FLT3: variants seen among roughly 807,000 people sequenced by gnomAD.
FLT3 encodes fms related receptor tyrosine kinase 3.
FLT3 carries 46 observed loss-of-function variants against 126.6 expected under a neutral mutation model. The observed-to-expected ratio is 0.36, with a 90% CI of 0.29 to 0.46. The LOEUF (loss-of-function observed/expected upper bound fraction) is 0.46. Among genes scored for constraint, FLT3 ranks in the 20% least tolerant of loss-of-function variants. The pLI is 1.00. For synonymous variants in FLT3, 404 were observed against 434.4 expected, an observed-to-expected ratio of 0.93 and a Z score of 0.87; for missense variants, 1,069 against 1,190.3, an observed-to-expected ratio of 0.90 and a Z score of 1.50.
At chr13:28,016,596 C>T (rs569842684) in intron 20 of FLT3, among the ~76,000 whole-genome samples, 11 of 152,208 alleles carry the variant, frequency 7.2e-5, no homozygotes, top group South Asian at 4.1e-4. Flanking sequence ...CATGGGTTGA[C>T]GAGTCCTTCA....
At position 28,091,317 on chromosome 13, in the gene FLT3, G is replaced by T. The variant is rs541209480; in HGVS notation, c.43+9151C>A. Among the ~76,000 whole-genome samples the T allele has an allele frequency of 3.6e-5, 5 of 137,418 alleles. No homozygotes were observed. In the Admixed American group the frequency reaches 3.9e-4, roughly 11 times the overall value. The allele number at this position is 137,418 out of a possible 152,430, so 90.2% of individuals were successfully genotyped here. A position where few individuals can be genotyped will look rare whatever the true frequency, so the allele number is the denominator to read the frequency against. ...GCTCACTGCAAGCTCCGCCTCCCGGGTTCACGCCATTCTCCTGCCTCAGCC... is the reference window on the plus strand; with the variant it reads ...GCTCACTGCAAGCTCCGCCTCCCGGTTTCACGCCATTCTCCTGCCTCAGCC... On this transcript the variant is annotated intron_variant, in intron 1 of 23. Transcript: ENST00000241453.
intron 9 of FLT3, among the ~76,000 whole-genome samples, chr13:28,040,034 A>C (rs1874204638): frequency 6.6e-6 from 1 of 152,154 alleles, no homozygotes; most frequent in African/African-American, 2.4e-5. Context: ...ATGGCAGCAA[A>C]AGTTTACTGG....
intron 23 of FLT3, among the ~76,000 whole-genome samples, chr13:28,008,699 G>A (rs1378802950): frequency 1.3e-5 from 2 of 151,752 alleles, no homozygotes; most frequent in African/African-American, 2.4e-5. Flanking sequence ...GGCTGGTCTC[G>A]AACTCCTGAC....
At chr13:28,077,091 A>AG (rs1397568589) in intron 1 of FLT3, among the ~76,000 whole-genome samples, 2 of 9,766 alleles carry the variant, frequency 2.0e-4, no homozygotes, top group African/African-American at 2.3e-4. Flanking sequence ...AAGAAAGAAA[A>AG]AGAGAAAAAG....
intron 23 of FLT3, among the ~76,000 whole-genome samples, chr13:28,012,675 C>G (rs1425042335): frequency 6.6e-6 from 1 of 152,124 alleles, no homozygotes; most frequent in Non-Finnish European, 1.5e-5. Flanking sequence ...TGGCTCATGC[C>G]TGTAATCCTA....
chr13:28,030,389 A>G (rs1405032883), intron 15 of FLT3, among the ~76,000 whole-genome samples: 1 of 152,102 alleles, frequency 6.6e-6, no homozygotes, highest in Non-Finnish European at 1.5e-5. Context: ...TTCATGTACC[A>G]TTACCTCTTT....
intron 9 of FLT3, among the ~76,000 whole-genome samples, chr13:28,043,190 CT>C (rs10713103): frequency 0.99 from 148,958 of 150,134 alleles, 73,905 homozygotes; most frequent in Middle Eastern, 1. Context: ...AGTCCTATTC[CT>C]TTTTTTTTTT....
In FLT3 at chr13:28,052,734, C is replaced by T. The variant is rs981984220; in HGVS notation, c.485-60G>A. 42 of 1,210,462 alleles carry T rather than the reference C, an allele frequency of 3.5e-5. No homozygotes were observed. In the African/African-American group the frequency reaches 5.5e-4, roughly 16 times the overall value. 75.0% of individuals were successfully genotyped at this position (1,210,462 alleles called of 1,614,324 possible). A position where few individuals can be genotyped will look rare whatever the true frequency, so the allele number is the denominator to read the frequency against. ...TTAAAAATAATTCTCTTAGCAGCCC[C>T]TCAGAAAAGGATTCTATGTCATTAT... is the stretch of plus-strand genomic sequence containing the variant. On this transcript the variant is annotated intron_variant, in intron 4 of 23. Transcript: ENST00000241453.
intron 9 of FLT3, among the ~76,000 whole-genome samples, chr13:28,040,675 T>C (rs1356222945): frequency 6.6e-6 from 1 of 152,224 alleles, no homozygotes; most frequent in Admixed American, 6.5e-5. Context: ...TTCATCTCTC[T>C]GACCTATCAA....
chr13:28,037,209 T>C lies in FLT3; in HGVS notation c.1285A>G (p.Lys429Glu). 6.2e-7 allele frequency: 1 copy of C among 1,600,676 alleles called. No homozygotes were observed. The highest frequency in any genetic ancestry group is 8.6e-7 in the Non-Finnish European group (1 of 1,167,912). The change falls in exon 10 of 24, where the codon AAA becomes GAA. Residue 429 changes from lysine (K) to glutamate (E), a missense_variant. By Grantham distance (56) the Lys-to-Glu change is moderately conservative (BLOSUM62 1). Transcript: ENST00000241453. ...HAENDDAQFT[K>E]MFTLNIRRKP... ...CTTCTTATATTCAGCGTGAACATTT[T>C]GGTAAATTGGGCATCATCATTTTCT...
chr13:28,051,058 T>C (rs1183535027), intron 5 of FLT3, among the ~76,000 whole-genome samples: 3 of 152,216 alleles, frequency 2.0e-5, no homozygotes, highest in Non-Finnish European at 4.4e-5. Context: ...ATTCTTCTGA[T>C]GAGGCACAGA....
intron 3 of FLT3, among the ~76,000 whole-genome samples, chr13:28,060,563 T>C (rs1374473836): frequency 6.6e-6 from 1 of 151,262 alleles, no homozygotes; most frequent in Non-Finnish European, 1.5e-5. Flanking sequence ...TATATACTTA[T>C]ATATGTGTCT....
intron 1 of FLT3, among the ~76,000 whole-genome samples, chr13:28,084,973 TAAAA>T (rs59333724): frequency 2.6e-4 from 35 of 133,216 alleles, no homozygotes; most frequent in Admixed American, 4.5e-4. Context: ...AGCCTTCCTC[TAAAA>T]AAAAAAAAAA....
At chr13:28,073,341 C>G in intron 1 of FLT3, 1 of 352,750 alleles carries the variant, frequency 2.8e-6, no homozygotes, top group Non-Finnish European at 5.4e-6. Context: ...CACAGTGAGA[C>G]CTCATCTCTG....
intron 23 of FLT3, among the ~76,000 whole-genome samples, chr13:28,008,725 C>T (rs1566052702): frequency 1.3e-5 from 2 of 151,976 alleles, no homozygotes; most frequent in Non-Finnish European, 2.9e-5. Flanking sequence ...GTGATCCACT[C>T]GCCTCAGACT....
intron 1 of FLT3, among the ~76,000 whole-genome samples, chr13:28,079,927 A>G (rs1290487888): frequency 6.6e-6 from 1 of 152,178 alleles, no homozygotes; most frequent in Non-Finnish European, 1.5e-5. Context: ...AAAGGAAGGA[A>G]GAGAGAGGAG....
chr13:28,022,367 C>G (rs1872471197), intron 19 of FLT3, among the ~76,000 whole-genome samples: 1 of 151,954 alleles, frequency 6.6e-6, no homozygotes, highest in Admixed American at 6.6e-5. Flanking sequence ...AAAAAATTAG[C>G]CAGGCATGCT....
At chr13:28,078,945 C>A (rs1375895071) in intron 1 of FLT3, among the ~76,000 whole-genome samples, 3 of 152,182 alleles carry the variant, frequency 2.0e-5, no homozygotes, top group African/African-American at 7.2e-5. Flanking sequence ...AACTCCCGAC[C>A]TCGTGATCCC....
chr13:28,056,889 C>T (rs2137754205), intron 4 of FLT3, among the ~76,000 whole-genome samples: 1 of 152,320 alleles, frequency 6.6e-6, no homozygotes, highest in East Asian at 1.9e-4. Context: ...TTCATCATCT[C>T]AGAAAGTTCT....
Sources: gnomAD v4.1 joint callset for allele counts (sites outside exome capture counted in the v4.1 genomes callset) on GRCh38, gnomAD v4.1.1 for gene constraint, MANE v1.5 for transcripts, NCBI Gene and HGNC (gene_info 2026-07-23, HGNC 2026-07-21) for gene names.